ZNF385A: variants seen among roughly 807,000 people sequenced by gnomAD.
The protein encoded by ZNF385A is hematopoietic zinc finger protein.
ZNF385A carries 14 observed loss-of-function variants against 32.1 expected under a neutral mutation model. That is an observed-to-expected ratio of 0.44 (90% CI 0.29 to 0.68). The LOEUF (loss-of-function observed/expected upper bound fraction) is 0.68, where lower values mean the gene tolerates loss of function less well. Ranked by LOEUF, ZNF385A falls within the 30% of genes least tolerant of loss-of-function variation. ZNF385A has a pLI of 0.14. For missense variants in ZNF385A, 406 were observed against 478.4 expected, an observed-to-expected ratio of 0.85 and a Z score of 1.41; for synonymous variants, 197 against 202.7, an observed-to-expected ratio of 0.97 and a Z score of 0.24.
In ZNF385A at chr12:54,370,767, C is replaced by T. The variant is rs1235216158; in HGVS notation, c.775-46G>A. 2 of 1,577,532 alleles carry T rather than the reference C, an allele frequency of 1.3e-6. No individual in the cohort carries two copies. Among genetic ancestry groups the T allele is most frequent in the Admixed American group, 1.8e-5 (1 of 55,590 alleles). On this transcript the variant is annotated intron_variant, in intron 5 of 6. Coordinates refer to ENST00000394313, the MANE Select transcript of ZNF385A (RefSeq NM_015481.3). The surrounding 1 kb of genome is among the most constrained non-coding windows in gnomAD (Gnocchi z 5.5). ...GGGGCTGTGAGCTCCCGGAAAGGGG[C>T]AACAGCGAGGGAGTATAATCAAGCT...
At position 54,373,991 on chromosome 12, in the gene ZNF385A, C is replaced by T; in HGVS notation, c.343G>A (p.Gly115Ser). The T allele has an allele frequency of 1.3e-6, 2 of 1,569,450 alleles. No individual in the cohort carries two copies. The highest frequency in any genetic ancestry group is 8.7e-7 in the Non-Finnish European group (1 of 1,155,590). Residue 115 changes from glycine (G) to serine (S), a missense_variant, in exon 3 of 7, where the codon GGT becomes AGT. Coordinates refer to ENST00000394313, the MANE Select transcript of ZNF385A (RefSeq NM_015481.3). ...PPGSTPTNGD[G>S]VAPRPVSMEN... ...GACACACCTGGACGGGGTGCTACAC[C>T]ATCCCCATTTGTTGGGGTGCTGCCT... is the stretch of plus-strand genomic sequence containing the variant.
chr12:54,370,228 G>A lies in ZNF385A; in HGVS notation c.*28C>T, dbSNP rs1295429376. The A allele has an allele frequency of 7.1e-7, 1 of 1,412,812 alleles. No homozygotes were observed. Among genetic ancestry groups the A allele is most frequent in the East Asian group, 2.8e-5 (1 of 36,208 alleles). The allele number at this position is 1,412,812 out of a possible 1,614,324, so 87.5% of individuals were successfully genotyped here. ...CCTGGGTCCCGGCTGGAGGTGGGGAGTTGAATGGGAGGGGTTCAGGGTTGA... is the reference window on the plus strand; with the variant it reads ...CCTGGGTCCCGGCTGGAGGTGGGGAATTGAATGGGAGGGGTTCAGGGTTGA... On this transcript the variant is annotated 3_prime_UTR_variant, in exon 7 of 7. Transcript: ENST00000394313. The surrounding 1 kb of genome is among the most constrained non-coding windows in gnomAD (Gnocchi z 5.5).
chr12:54,382,832 C>CT lies in ZNF385A; in HGVS notation c.87+1595dup, dbSNP rs926229211. On this transcript the variant is annotated intron_variant, in intron 1 of 6. Coordinates refer to ENST00000394313, the MANE Select transcript of ZNF385A (RefSeq NM_015481.3). The stretch of plus-strand genomic sequence containing the variant: ...TACTGGTATGCCAAATCACCATATC[C>CT]TTTTTTTTTTAAAAAAAATATTTAT... 7.5e-3 allele frequency among the ~76,000 whole-genome samples: 1,121 copies of CT among 148,624 alleles called. 3 individuals are homozygous for CT. Among genetic ancestry groups the CT allele is most frequent in the African/African-American group, 9.9e-3 (393 of 39,804 alleles).
intron 2 of ZNF385A, 55 bp downstream of exon 2, chr12:54,375,785 CAAGT>C: frequency 6.7e-7 from 1 of 1,486,592 alleles, no homozygotes; most frequent in Non-Finnish European, 9.4e-7. Context: ...TGCCCTCCCT[CAAGT>C]TCCCCTGCTG....
exon 1 of ZNF385A, chr12:54,391,236 G>A: frequency 2.8e-6 from 4 of 1,444,636 alleles, no homozygotes; most frequent in Non-Finnish European, 3.7e-6. Flanking sequence ...ACCACTCACC[G>A]AGGATCATGC....
intron 1 of ZNF385A, among the ~76,000 whole-genome samples, chr12:54,378,565 C>T (rs1488713528): frequency 6.6e-6 from 1 of 152,144 alleles, no homozygotes; most frequent in Non-Finnish European, 1.5e-5. Flanking sequence ...TCTGATGGAA[C>T]TGCTGCCCCT....
In ZNF385A at chr12:54,371,583, G is replaced by C; in HGVS notation, c.494C>G (p.Ser165Cys). 4 of 1,613,770 alleles carry C rather than the reference G, an allele frequency of 2.5e-6. No homozygotes were observed. The South Asian group carries it at 4.4e-5, about 18-fold the overall frequency. ...CTCTTCCTTGCTACCCCCAGGCAAG[G>C]AAGCCGGGGCTGGAGTCCCCCCTTC... ...KGEGGTPAPA[S>C]LPGGSKEEEE... is the part of the protein sequence containing the mutation. Residue 165 changes from serine to cysteine, a missense_variant, in exon 4 of 7, where the codon TCC becomes TGC. Physicochemically the swap from Ser to Cys is moderately radical, Grantham distance 112 (BLOSUM62 -1). Transcript: ENST00000394313.
chr12:54,375,885 C>A lies in ZNF385A; in HGVS notation c.157G>T (p.Val53Phe), dbSNP rs781736220. The change falls in exon 2 of 7, where the codon GTC (valine) becomes TTC (phenylalanine). Residue 53 changes from valine (V) to phenylalanine (F), a missense_variant. Coordinates refer to ENST00000394313, the MANE Select transcript of ZNF385A (RefSeq NM_015481.3). The stretch of plus-strand genomic sequence containing the variant: ...ATTTGACAGATATTACAGGAAATGA[C>A]GGGCCGCTTGGTCTTGAGCAAGGGT... ...GGPLLKTKRPVISCNICQIRF... is the reference protein window; with the variant it reads ...GGPLLKTKRPFISCNICQIRF... 1 of 1,614,112 alleles carries A rather than the reference C, an allele frequency of 6.2e-7. No homozygotes were observed. Among genetic ancestry groups the A allele is most frequent in the Non-Finnish European group, 8.5e-7 (1 of 1,180,018 alleles).
chr12:54,371,226 CTAAG>C lies in ZNF385A; in HGVS notation c.605-134_605-131del, dbSNP rs1041418027. The C allele has an allele frequency of 1.4e-4, 83 of 608,344 alleles. 1 individual carries two copies. Among genetic ancestry groups the C allele is most frequent in the Admixed American group, 2.4e-4 (5 of 21,116 alleles). 37.7% of individuals were successfully genotyped at this position (608,344 alleles called of 1,614,324 possible). ...TGGGCACAGTGTGGGTTCTTTCTAA[CTAAG>C]CTCCTTGGGACCCTCCCAAAGAGGT... On this transcript the variant is annotated intron_variant, in intron 4 of 6. Coordinates refer to ENST00000394313, the MANE Select transcript of ZNF385A (RefSeq NM_015481.3).
At chr12:54,388,306 G>A (rs550180580), upstream of ZNF385A, among the ~76,000 whole-genome samples, 3 of 152,306 alleles carry the variant, frequency 2.0e-5, no homozygotes, top group South Asian at 4.1e-4. Flanking sequence ...ATCCTACTTA[G>A]CCCTGGGCAC....
chr12:54,385,201 T>C (rs1955410971), upstream of ZNF385A: 1 of 152,320 alleles, frequency 6.6e-6, no homozygotes, highest in Non-Finnish European at 1.5e-5. Flanking sequence ...TCTCCCAACC[T>C]TCCTCAGTCT....
At chr12:54,387,098 C>G (rs1955510186), upstream of ZNF385A, among the ~76,000 whole-genome samples, 1 of 152,216 alleles carries the variant, frequency 6.6e-6, no homozygotes, top group African/African-American at 2.4e-5. Context: ...AAGCAGAGAT[C>G]TGAGCACAGG....
At chr12:54,375,004 G>A (rs1250438541) in intron 2 of ZNF385A, among the ~76,000 whole-genome samples, 2 of 152,200 alleles carry the variant, frequency 1.3e-5, no homozygotes, top group Non-Finnish European at 2.9e-5. Flanking sequence ...GGTGTGGATA[G>A]GCAGGAAAAG....
In ZNF385A at chr12:54,370,163, A is replaced by C; in HGVS notation, c.*93T>G. 1 of 872,368 alleles carries C rather than the reference A, an allele frequency of 1.1e-6. No homozygotes were observed. The highest frequency in any genetic ancestry group is 1.8e-5 in the African/African-American group (1 of 54,448). The allele number at this position is 872,368 out of a possible 1,614,324, so 54.0% of individuals were successfully genotyped here. On this transcript the variant is annotated 3_prime_UTR_variant, in exon 7 of 7. Transcript: ENST00000394313. This position sits in a 1 kb window ranked among gnomAD's most constrained non-coding sequence, Gnocchi z 5.5. ...GGGGGGGGGGAAGGAGAGATCATTT[A>C]GGGAGTGCCGGGAGGAGGGGCGGGC...
In ZNF385A at chr12:54,371,646, G is replaced by A; in HGVS notation, c.431C>T (p.Pro144Leu). ...ACCCTGACCAGTCTCCGGAATGCTG[G>A]GAGGGGATGGGGAGCCAGGCTGTTT... ...PEKQPGSPSP[P>L]SIPETGQGVT... The change falls in exon 4 of 7, where the codon CCC (proline) becomes CTC (leucine). Residue 144 changes from proline to leucine, a missense_variant. Coordinates refer to ENST00000394313, the MANE Select transcript of ZNF385A (RefSeq NM_015481.3). 6.2e-7 allele frequency: 1 copy of A among 1,611,138 alleles called. No homozygotes were observed. Among genetic ancestry groups the A allele is most frequent in the Non-Finnish European group, 8.5e-7 (1 of 1,179,058 alleles).
At chr12:54,388,185 C>G (rs1285754422), upstream of ZNF385A, among the ~76,000 whole-genome samples, 1 of 152,092 alleles carries the variant, frequency 6.6e-6, no homozygotes, top group African/African-American at 2.4e-5. Flanking sequence ...GATAGAGCCC[C>G]ACCCAGCTTC....
At position 54,375,364 on chromosome 12, in the gene ZNF385A, G is replaced by A. The variant is rs554685875; in HGVS notation, c.198+480C>T. ...TTGTGTGTGATTTGGAGGGAGGAGAGTAGAAATGGGGTGGAGAGAGAAGGA... is the reference window on the plus strand; with the variant it reads ...TTGTGTGTGATTTGGAGGGAGGAGAATAGAAATGGGGTGGAGAGAGAAGGA... On this transcript the variant is annotated intron_variant, in intron 2 of 6. Coordinates refer to ENST00000394313, the MANE Select transcript of ZNF385A (RefSeq NM_015481.3). 2.0e-5 allele frequency among the ~76,000 whole-genome samples: 3 copies of A among 152,262 alleles called. No homozygotes were observed. In the East Asian group the frequency reaches 5.8e-4, roughly 29 times the overall value.
intron 1 of ZNF385A, 133 bp downstream of exon 1, chr12:54,384,295 T>C (rs1003353161): frequency 3.5e-6 from 4 of 1,134,332 alleles, no homozygotes; most frequent in Middle Eastern, 2.5e-4. Flanking sequence ...TACTCAAAAT[T>C]AACTAGAATT....
rs1955359087 is a variant in ZNF385A at position 54,384,425 on chromosome 12, T to TA, written c.87+2dup. The TA allele has an allele frequency of 1.3e-6, 2 of 1,580,742 alleles. No homozygotes were observed. Among genetic ancestry groups the TA allele is most frequent in the South Asian group, 2.3e-5 (2 of 86,480 alleles). ...TGGAGAAGGCAGGCAGGCTGCTACTTACGGTGCTGTAGTTGCTGAAGAGGC... is the reference window on the plus strand; with the variant it reads ...TGGAGAAGGCAGGCAGGCTGCTACTTAACGGTGCTGTAGTTGCTGAAGAGGC... On this transcript the variant is annotated splice_region_variant and intron_variant, in intron 1 of 6. Coordinates refer to ENST00000394313, the MANE Select transcript of ZNF385A (RefSeq NM_015481.3).
Sources: allele counts gnomAD v4.1 joint callset (sites outside exome capture counted in the v4.1 genomes callset), GRCh38; gene constraint gnomAD v4.1.1; non-coding constraint Gnocchi (gnomAD v3.1); transcripts MANE v1.5; gene names NCBI Gene and HGNC (gene_info 2026-07-23, HGNC 2026-07-21).